The following TENM3 variants were observed in gnomAD, a reference collection of about 807,000 sequenced individuals.
The protein encoded by TENM3 is teneurin transmembrane protein 3, also known as teneurin-3.
In TENM3, 63 loss-of-function variants were observed where a neutral mutation model predicts 255.1. The ratio of observed to expected loss-of-function variants is 0.25; its 90% CI spans 0.20 to 0.30. The LOEUF is 0.30. TENM3 is among the 10% of genes least tolerant of loss of function. The pLI is 1.00. For synonymous variants in TENM3, 1,306 were observed against 1,322.3 expected (o/e 0.99, Z 0.27); for missense variants, 2,929 against 3,461.1 (o/e 0.85, Z 3.86).
chr4:181,659,032 T>A, the TENM3 span, among the ~76,000 whole-genome samples: 1 of 152,130 alleles, frequency 6.6e-6, no homozygotes, highest in Non-Finnish European at 1.5e-5. Flanking sequence ...GCTCTGGATG[T>A]TTGCCATTAA....
chr4:181,636,995 A>T, the TENM3 span, among the ~76,000 whole-genome samples: 1 of 151,994 alleles, frequency 6.6e-6, no homozygotes, highest in Non-Finnish European at 1.5e-5. Flanking sequence ...AGAAACTTCC[A>T]CTTACACACA....
At position 182,681,857 on chromosome 4, in the gene TENM3, C is replaced by T; in HGVS notation, c.1878C>T (p.Ile626=). ...DPGCSNHGVC[I]HGECHCSPGW... Reference sequence around the variant, plus strand: ...GGTGTTCTAATCATGGTGTGTGTATCCACGGGGAATGTCACTGCAGTCCAG... The same window carrying T: ...GGTGTTCTAATCATGGTGTGTGTATTCACGGGGAATGTCACTGCAGTCCAG... The change falls in exon 11 of 28, where the codon ATC becomes ATT. Residue 626 remains isoleucine (I), a synonymous_variant. Transcript: ENST00000511685. 19 of 1,613,740 alleles carry T rather than the reference C, an allele frequency of 1.2e-5. No homozygotes were observed. The highest frequency in any genetic ancestry group is 1.5e-5 in the Non-Finnish European group (18 of 1,179,778).
chr4:182,274,322 T>G (rs1451414883), intron 1 of TENM3, among the ~76,000 whole-genome samples: 1 of 152,178 alleles, frequency 6.6e-6, no homozygotes, highest in Non-Finnish European at 1.5e-5. Context: ...AGAGGCCTCC[T>G]AATTCACAGG....
the TENM3 span, among the ~76,000 whole-genome samples, chr4:181,863,807 G>A: frequency 1.3e-5 from 2 of 151,880 alleles, no homozygotes; most frequent in Non-Finnish European, 2.9e-5. Flanking sequence ...TTTTCCAAGC[G>A]AAAAAGACCC....
the TENM3 span, among the ~76,000 whole-genome samples, chr4:181,788,866 A>G: frequency 6.6e-6 from 1 of 152,148 alleles, no homozygotes; most frequent in South Asian, 2.1e-4. Flanking sequence ...CCAAAGTGTT[A>G]AGATTACAGG....
At chr4:181,765,341 T>C in the TENM3 span, among the ~76,000 whole-genome samples, 3 of 152,124 alleles carry the variant, frequency 2.0e-5, no homozygotes, top group African/African-American at 7.2e-5. Flanking sequence ...AGTGTGATAA[T>C]GGAAAAAATG....
the TENM3 span, among the ~76,000 whole-genome samples, chr4:181,921,956 T>A: frequency 2.0e-5 from 3 of 152,222 alleles, no homozygotes; most frequent in African/African-American, 7.2e-5. Context: ...GTTGTTGAAT[T>A]TTGTCAAAGG....
intron 3 of TENM3, among the ~76,000 whole-genome samples, chr4:182,445,686 G>A (rs1266218302): frequency 1.3e-5 from 2 of 151,730 alleles, no homozygotes; most frequent in Admixed American, 1.3e-4. Context: ...CGTGGTGTTC[G>A]GTCATTAGAT....
At chr4:181,667,129 T>A in the TENM3 span, among the ~76,000 whole-genome samples, 1 of 152,180 alleles carries the variant, frequency 6.6e-6, no homozygotes, top group African/African-American at 2.4e-5. Context: ...TGCTTCTTCC[T>A]AGATCCCATA....
intron 4 of TENM3, among the ~76,000 whole-genome samples, chr4:182,623,670 G>A (rs1283761410): frequency 6.6e-6 from 1 of 151,954 alleles, no homozygotes; most frequent in Non-Finnish European, 1.5e-5. Context: ...TTCTCTTCAG[G>A]CAGTTTGGGT....
At chr4:182,090,213 A>G in the TENM3 span, among the ~76,000 whole-genome samples, 1 of 152,216 alleles carries the variant, frequency 6.6e-6, no homozygotes, top group Admixed American at 6.5e-5. Flanking sequence ...AAAGACAGTG[A>G]AGAAGTACTT....
At chr4:181,863,123 A>C in the TENM3 span, among the ~76,000 whole-genome samples, 14 of 152,302 alleles carry the variant, frequency 9.2e-5, no homozygotes, top group South Asian at 4.1e-4. Context: ...ACCCTAATTT[A>C]ATACTTTGAG....
At chr4:182,695,652 A>G (rs897006613) in intron 12 of TENM3, among the ~76,000 whole-genome samples, 3 of 152,206 alleles carry the variant, frequency 2.0e-5, no homozygotes, top group Admixed American at 1.3e-4. Flanking sequence ...TACTAGATGA[A>G]GATACGACTT....
intron 1 of TENM3, among the ~76,000 whole-genome samples, chr4:182,299,992 T>C (rs11942763): frequency 0.046 from 6,971 of 151,824 alleles, 529 homozygotes; most frequent in African/African-American, 0.16. Context: ...CTTGGCTTAA[T>C]GCGGCCTCTG....
chr4:181,800,365 C>T, the TENM3 span, among the ~76,000 whole-genome samples: 1 of 152,196 alleles, frequency 6.6e-6, no homozygotes, highest in Non-Finnish European at 1.5e-5. Context: ...GGAAAGGTGG[C>T]TCACACCTGT....
intron 1 of TENM3, among the ~76,000 whole-genome samples, chr4:182,310,864 G>A (rs1250532197): frequency 6.6e-6 from 1 of 152,152 alleles, no homozygotes; most frequent in South Asian, 2.1e-4. Flanking sequence ...GTGTCACCAG[G>A]CCCAACTAAT....
At chr4:182,131,143 C>G in the TENM3 span, among the ~76,000 whole-genome samples, 4 of 152,086 alleles carry the variant, frequency 2.6e-5, no homozygotes, top group African/African-American at 9.7e-5. Context: ...TGTAGAAACT[C>G]TAAATGTAGT....
chr4:181,463,956 C>G, the TENM3 span, among the ~76,000 whole-genome samples: 1 of 152,182 alleles, frequency 6.6e-6, no homozygotes, highest in African/African-American at 2.4e-5. Flanking sequence ...CAAGGTCCAT[C>G]TGTACTGTAG....
the TENM3 span, among the ~76,000 whole-genome samples, chr4:181,448,154 A>ATTTTTTTT: frequency 5.3e-4 from 48 of 90,118 alleles, 4 homozygotes; most frequent in African/African-American, 1.6e-3. Context: ...AAATCCAGTA[A>ATTTTTTTT]TTTTTTTTTT....
Sources: gnomAD v4.1 joint callset for allele counts (sites outside exome capture counted in the v4.1 genomes callset) on GRCh38, gnomAD v4.1.1 for gene constraint, MANE v1.5 for transcripts, NCBI Gene and HGNC (gene_info 2026-07-23, HGNC 2026-07-21) for gene names.